Variants in RASEF observed in about 807,000 individuals in gnomAD.
The protein encoded by RASEF is ras and EF-hand domain-containing protein.
Under a neutral mutation model 90.1 loss-of-function variants are expected in RASEF, and 68 were observed. That is an observed-to-expected ratio of 0.75 (90% confidence interval 0.62 to 0.92). The LOEUF (loss-of-function observed/expected upper bound fraction) is 0.92. Among genes scored for constraint, RASEF ranks in the 40% least tolerant of loss-of-function variants. RASEF has a pLI of 0.00. For synonymous variants in RASEF, 331 were observed against 345.2 expected, an observed-to-expected ratio of 0.96 and a Z score of 0.46; for missense variants, 949 against 937.2, an observed-to-expected ratio of 1.01 and a Z score of -0.16.
chr9:83,084,825 C>G, the RASEF span, among the ~76,000 whole-genome samples: 1 of 145,222 alleles, frequency 6.9e-6, no homozygotes, highest in African/African-American at 2.4e-5. Flanking sequence ...ATTAAAGGAT[C>G]ATTATCTTGA....
At chr9:83,147,175 T>C in the RASEF span, among the ~76,000 whole-genome samples, 1 of 152,006 alleles carries the variant, frequency 6.6e-6, no homozygotes, top group Non-Finnish European at 1.5e-5. Flanking sequence ...GAAAGCATTT[T>C]CAGATCATTT....
chr9:83,093,540 G>T, the RASEF span, among the ~76,000 whole-genome samples: 1 of 152,350 alleles, frequency 6.6e-6, no homozygotes, highest in East Asian at 1.9e-4. Flanking sequence ...GCTGGTCCGG[G>T]TGCTAAGCCC....
At chr9:83,122,208 G>C in the RASEF span, among the ~76,000 whole-genome samples, 9 of 152,094 alleles carry the variant, frequency 5.9e-5, no homozygotes, top group African/African-American at 1.9e-4. Flanking sequence ...AGCTGCAAAG[G>C]GCCCCAGCAT....
At chr9:83,009,315 T>C (rs557220435) in intron 6 of RASEF, among the ~76,000 whole-genome samples, 1 of 152,284 alleles carries the variant, frequency 6.6e-6, no homozygotes, top group South Asian at 2.1e-4. Context: ...CCCTTTCTTA[T>C]GTTTTATGGC....
the RASEF span, among the ~76,000 whole-genome samples, chr9:83,132,493 T>C: frequency 1.3e-5 from 2 of 152,176 alleles, no homozygotes; most frequent in Non-Finnish European, 1.5e-5. Flanking sequence ...ATGGACACTC[T>C]AGGTGATATT....
Position 83,032,035 on chromosome 9 carries a change from C to T in RASEF, c.432-6114G>A, listed in dbSNP as rs1011207964. 2.6e-5 allele frequency among the ~76,000 whole-genome samples: 4 copies of T among 152,102 alleles called. No homozygotes were observed. The South Asian group carries it at 8.3e-4, about 32-fold the overall frequency. ...TACTTCATCATAGCAAAAGATAGTA[C>T]CTGGTCCCTCTACGTAAGATTTATA... On this transcript the variant is annotated intron_variant, in intron 1 of 16. Transcript: ENST00000376447.
intron 1 of RASEF, among the ~76,000 whole-genome samples, chr9:83,030,071 T>TA (rs1210478161): frequency 2.0e-5 from 3 of 152,198 alleles, no homozygotes; most frequent in Non-Finnish European, 4.4e-5. Context: ...GTCATTAAGA[T>TA]ACTGTCACCG....
the RASEF span, among the ~76,000 whole-genome samples, chr9:83,188,470 T>C: frequency 7.1e-4 from 108 of 152,338 alleles, no homozygotes; most frequent in Non-Finnish European, 1.2e-3. Context: ...GCAAGCTCCT[T>C]GCGCAACAGA....
chr9:83,064,353 T>C (rs955341103), upstream of RASEF, among the ~76,000 whole-genome samples: 2 of 152,196 alleles, frequency 1.3e-5, no homozygotes, highest in African/African-American at 4.8e-5. Context: ...AATTGCTAAG[T>C]GAATATAGTT....
At chr9:83,123,957 A>T in the RASEF span, among the ~76,000 whole-genome samples, 1 of 147,266 alleles carries the variant, frequency 6.8e-6, no homozygotes, top group Non-Finnish European at 1.5e-5. Flanking sequence ...ATGAAACACT[A>T]ACTCTCCCTT....
chr9:83,164,710 C>T, the RASEF span, among the ~76,000 whole-genome samples: 1 of 150,474 alleles, frequency 6.6e-6, no homozygotes, highest in Non-Finnish European at 1.5e-5. Context: ...CTTTAAACAT[C>T]AATGATCTAA....
the RASEF span, among the ~76,000 whole-genome samples, chr9:83,189,283 A>T: frequency 6.6e-6 from 1 of 152,204 alleles, no homozygotes; most frequent in Non-Finnish European, 1.5e-5. Context: ...CATGTGAAGA[A>T]GGATGTATTT....
the RASEF span, among the ~76,000 whole-genome samples, chr9:83,202,704 G>C: frequency 1.3e-5 from 2 of 152,040 alleles, no homozygotes; most frequent in African/African-American, 4.8e-5. Context: ...TGCCATGTTG[G>C]CCAGGCTGGT....
chr9:82,982,803 G>T, intron 16 of RASEF, 21 bp from the exon 17 acceptor site: 3 of 1,201,528 alleles, frequency 2.5e-6, no homozygotes, highest in South Asian at 1.2e-5. Flanking sequence ...GATAGAGAGA[G>T]ACAGAGAGAG....
chr9:83,024,519 G>T (rs917227120), intron 2 of RASEF, among the ~76,000 whole-genome samples: 12 of 152,198 alleles, frequency 7.9e-5, no homozygotes, highest in African/African-American at 2.9e-4. Flanking sequence ...CCATCTCAAA[G>T]GAGACCAACT....
At chr9:83,118,366 A>C in the RASEF span, among the ~76,000 whole-genome samples, 1 of 152,192 alleles carries the variant, frequency 6.6e-6, no homozygotes, top group East Asian at 1.9e-4. Context: ...TAGCCTCAAA[A>C]ATAATTAAAG....
intron 2 of RASEF, among the ~76,000 whole-genome samples, chr9:83,025,380 G>C (rs937682701): frequency 6.6e-6 from 1 of 152,116 alleles, no homozygotes; most frequent in African/African-American, 2.4e-5. Flanking sequence ...GCAGTTGCAG[G>C]AATTGAGACT....
At chr9:83,182,944 A>T in the RASEF span, among the ~76,000 whole-genome samples, 1 of 152,204 alleles carries the variant, frequency 6.6e-6, no homozygotes, top group Non-Finnish European at 1.5e-5. Context: ...CATCACGCCA[A>T]GCGAAAGAAG....
the RASEF span, among the ~76,000 whole-genome samples, chr9:83,205,607 C>G: frequency 1.3e-5 from 2 of 152,032 alleles, no homozygotes; most frequent in Non-Finnish European, 2.9e-5. Context: ...CTCTCTTGCT[C>G]CCCAGGCACT....
Sources: allele counts gnomAD v4.1 joint callset (sites outside exome capture counted in the v4.1 genomes callset), GRCh38; gene constraint gnomAD v4.1.1; transcripts MANE v1.5; gene names NCBI Gene and HGNC (gene_info 2026-07-23, HGNC 2026-07-21).